TPRG1: variants seen among roughly 807,000 people sequenced by gnomAD.
The protein encoded by TPRG1 is tumor protein p63 regulated 1.
Under a neutral mutation model 29.3 loss-of-function variants are expected in TPRG1, and 29 were observed. The ratio of observed to expected loss-of-function variants is 0.99; its 90% CI spans 0.74 to 1.35. The LOEUF (loss-of-function observed/expected upper bound fraction) is 1.35, where lower values mean the gene tolerates loss of function less well. Among genes scored for constraint, TPRG1 ranks in the 40% most tolerant of loss-of-function variants. The pLI is 0.00. For missense variants in TPRG1, 327 were observed against 335.0 expected, an observed-to-expected ratio of 0.98 and a Z score of 0.19; for synonymous variants, 130 against 116.8, an observed-to-expected ratio of 1.11 and a Z score of -0.73.
intron 4 of TPRG1, among the ~76,000 whole-genome samples, chr3:189,045,558 C>T (rs1714923636): frequency 6.6e-6 from 1 of 152,200 alleles, no homozygotes; most frequent in African/African-American, 2.4e-5. Flanking sequence ...GCTTCTTATT[C>T]TGTAAAGTGG....
rs1258490304 is a variant in TPRG1, at chr3:189,300,287, T to C, written c.480-10099T>C. On this transcript the variant is annotated intron_variant, in intron 4 of 5. Transcript: ENST00000345063. ...ATCTGTAAAATAGAGATTATAAAAC[T>C]ATCTTGTGAGCTCATGGTAAGAACT... Among the ~76,000 whole-genome samples the C allele has an allele frequency of 9.2e-5, 14 of 152,328 alleles. No homozygotes were observed. The East Asian group carries it at 2.5e-3, about 27-fold the overall frequency.
At chr3:189,219,174 C>T (rs1736547252) in intron 3 of TPRG1, among the ~76,000 whole-genome samples, 1 of 152,140 alleles carries the variant, frequency 6.6e-6, no homozygotes, top group South Asian at 2.1e-4. Flanking sequence ...AAGCCATTTT[C>T]CAAGGAGTAG....
chr3:189,144,230 C>G (rs1029261180), intron 3 of TPRG1, among the ~76,000 whole-genome samples: 1 of 152,162 alleles, frequency 6.6e-6, no homozygotes, highest in African/African-American at 2.4e-5. Flanking sequence ...CCTACATCCT[C>G]CTGGATTCAA....
intron 3 of TPRG1, among the ~76,000 whole-genome samples, chr3:189,011,178 G>A (rs1712578424): frequency 6.6e-6 from 1 of 152,118 alleles, no homozygotes; most frequent in South Asian, 2.1e-4. Flanking sequence ...TTGTAGTATA[G>A]TTTGAAGTCA....
intron 4 of TPRG1, among the ~76,000 whole-genome samples, chr3:189,148,129 G>A (rs1374947740): frequency 6.6e-6 from 1 of 152,202 alleles, no homozygotes; most frequent in Non-Finnish European, 1.5e-5. Context: ...GGACAAAGAT[G>A]AAAGGCAAGT....
chr3:189,110,818 C>T (rs916692431), intron 1 of TPRG1, among the ~76,000 whole-genome samples: 1 of 151,874 alleles, frequency 6.6e-6, no homozygotes, highest in Admixed American at 6.6e-5. Flanking sequence ...GTTGAAAAGA[C>T]TACCCTTTCT....
chr3:189,032,148 T>C (rs1253101371), intron 4 of TPRG1, among the ~76,000 whole-genome samples: 1 of 152,122 alleles, frequency 6.6e-6, no homozygotes, highest in African/African-American at 2.4e-5. Context: ...CATGAACAAT[T>C]TGAGTGGGCG....
chr3:189,028,568 A>T (rs1713780197), intron 4 of TPRG1, among the ~76,000 whole-genome samples: 1 of 152,188 alleles, frequency 6.6e-6, no homozygotes, highest in Non-Finnish European at 1.5e-5. Context: ...TTTGTGTGTT[A>T]AGGGATCTAG....
intron 4 of TPRG1, among the ~76,000 whole-genome samples, chr3:189,044,293 A>T (rs1460148162): frequency 1.3e-5 from 2 of 152,144 alleles, no homozygotes; most frequent in East Asian, 3.9e-4. Flanking sequence ...GGTGGCTCAC[A>T]CCTGTAATCC....
chr3:189,239,758 C>G (rs544996383), intron 4 of TPRG1, among the ~76,000 whole-genome samples: 27 of 152,242 alleles, frequency 1.8e-4, no homozygotes, highest in African/African-American at 6.3e-4. Context: ...TATAAAATGT[C>G]TCTTGGGATC....
intron 3 of TPRG1, among the ~76,000 whole-genome samples, chr3:189,225,147 G>A (rs142813301): frequency 3.3e-5 from 5 of 152,032 alleles, no homozygotes; most frequent in African/African-American, 7.2e-5. Flanking sequence ...TAGCCAGGAT[G>A]GTCTCGATCT....
intron 3 of TPRG1, among the ~76,000 whole-genome samples, chr3:189,238,080 A>G (rs1225312840): frequency 2.6e-5 from 4 of 152,200 alleles, no homozygotes; most frequent in Non-Finnish European, 5.9e-5. Flanking sequence ...AGGCTCTCAC[A>G]TCTGAGGCCA....
Position 189,213,030 on chromosome 3 carries a change from CCT to C in TPRG1, c.211-2261_211-2260del, listed in dbSNP as rs1352024331. On this transcript the variant is annotated intron_variant, in intron 2 of 5. Coordinates refer to ENST00000345063, the MANE Select transcript of TPRG1 (RefSeq NM_198485.4). ...TGTACATATTATTCCACTGTATTTC[CCT>C]GTTTGTCTTAGGCTGCATGATGTCT... 2.6e-5 allele frequency among the ~76,000 whole-genome samples: 4 copies of C among 152,212 alleles called. No homozygotes were observed. The East Asian group carries it at 7.7e-4, about 29-fold the overall frequency.
At chr3:189,010,847 C>G (rs1712561374) in intron 3 of TPRG1, among the ~76,000 whole-genome samples, 1 of 152,122 alleles carries the variant, frequency 6.6e-6, no homozygotes, top group Non-Finnish European at 1.5e-5. Flanking sequence ...ATGCCTATGT[C>G]TTGAATGGTA....
chr3:189,052,727 TTATA>T (rs369649569), intron 4 of TPRG1, among the ~76,000 whole-genome samples: 2 of 150,480 alleles, frequency 1.3e-5, no homozygotes, highest in Non-Finnish European at 3.0e-5. Context: ...AAAGAAACTA[TTATA>T]TATATATATA....
intron 4 of TPRG1, among the ~76,000 whole-genome samples, chr3:189,044,092 T>C (rs1302171797): frequency 6.6e-6 from 1 of 152,030 alleles, no homozygotes; most frequent in East Asian, 1.9e-4. Flanking sequence ...AATGAATATA[T>C]AAAAATTACT....
intron 1 of TPRG1, among the ~76,000 whole-genome samples, chr3:189,190,688 A>G (rs1048682362): frequency 2.0e-5 from 3 of 152,268 alleles, no homozygotes; most frequent in Non-Finnish European, 4.4e-5. Context: ...TCTTCACAAA[A>G]ATTGTGTAGA....
rs150320002 is a variant in TPRG1, at chr3:189,080,632, G to T, written c.-462-46425G>T. Among the ~76,000 whole-genome samples the T allele has an allele frequency of 2.5e-3, 387 of 152,206 alleles. 2 individuals are homozygous for T. Among genetic ancestry groups the T allele is most frequent in the African/African-American group, 8.3e-3 (343 of 41,518 alleles). Reference sequence around the variant, plus strand: ...GGTTCCTAAAGAAAGGTGGGCATGGGCTAAGTCTGGAAGAATAAGTTGAAT... The same window carrying T: ...GGTTCCTAAAGAAAGGTGGGCATGGTCTAAGTCTGGAAGAATAAGTTGAAT... On this transcript the variant is annotated intron_variant, in intron 4 of 10. Transcript: ENST00000433971.
Position 189,127,659 on chromosome 3 carries a change from T to A in TPRG1, c.-590+449T>A, listed in dbSNP as rs185244224. Among the ~76,000 whole-genome samples the A allele has an allele frequency of 9.6e-4, 147 of 152,336 alleles. 1 individual carries two copies. Among genetic ancestry groups the A allele is most frequent in the Middle Eastern group, 6.8e-3 (2 of 294 alleles). On this transcript the variant is annotated intron_variant, in intron 2 of 6. Coordinates refer to the TPRG1 transcript ENST00000412373. ...CCCAGGTAAAGGTCTTAAGGTCTTTTTATAGCAATGTGGAGATTCAGAGAA... is the reference window on the plus strand; with the variant it reads ...CCCAGGTAAAGGTCTTAAGGTCTTTATATAGCAATGTGGAGATTCAGAGAA...
Sources: allele counts gnomAD v4.1 joint callset (sites outside exome capture counted in the v4.1 genomes callset), GRCh38; gene constraint gnomAD v4.1.1; transcripts MANE v1.5; gene names NCBI Gene and HGNC (gene_info 2026-07-23, HGNC 2026-07-21).